The following PLBD1 variants were observed in gnomAD, a reference collection of about 807,000 sequenced individuals.
PLBD1 encodes the protein lysosomal leucine aminopeptidase.
A neutral mutation model predicts 63.0 loss-of-function variants in PLBD1; 60 were observed. That is an observed-to-expected ratio of 0.95 (90% CI 0.77 to 1.18). PLBD1 has a LOEUF of 1.18. PLBD1 is among the 50% of genes most tolerant of loss of function. The pLI is 0.00. For missense variants in PLBD1, 598 were observed against 677.9 expected (o/e 0.88, Z 1.31); for synonymous variants, 262 against 248.0 (o/e 1.06, Z -0.53).
intron 1 of PLBD1, among the ~76,000 whole-genome samples, chr12:14,559,164 G>A (rs577037171): frequency 6.6e-6 from 1 of 152,262 alleles, no homozygotes; most frequent in East Asian, 1.9e-4. Flanking sequence ...TAGTGAAAAG[G>A]TAGAAAAATA....
At chr12:14,516,062 G>T (rs1945334417) in intron 6 of PLBD1, among the ~76,000 whole-genome samples, 2 of 151,144 alleles carry the variant, frequency 1.3e-5, no homozygotes, top group Non-Finnish European at 2.9e-5. Flanking sequence ...CGGGCACGGT[G>T]GCTCACGCCT....
intron 8 of PLBD1, among the ~76,000 whole-genome samples, chr12:14,509,180 C>T (rs1490766769): frequency 6.6e-6 from 1 of 152,016 alleles, no homozygotes; most frequent in African/African-American, 2.4e-5. Context: ...GTCTAGAATG[C>T]AGTAGGTACT....
At chr12:14,523,224 GAAAAA>G (rs1334835085) in intron 6 of PLBD1, among the ~76,000 whole-genome samples, 8 of 151,652 alleles carry the variant, frequency 5.3e-5, no homozygotes, top group African/African-American at 1.9e-4. Flanking sequence ...CAGACAATCA[GAAAAA>G]AATAAGAAGG....
chr12:14,536,932 T>A (rs796889516), intron 4 of PLBD1, among the ~76,000 whole-genome samples: 10 of 151,748 alleles, frequency 6.6e-5, no homozygotes, highest in African/African-American at 2.4e-4. Flanking sequence ...CTACTGAAAA[T>A]ACAAAAATTA....
chr12:14,555,409 C>A (rs773242398), intron 1 of PLBD1, among the ~76,000 whole-genome samples: 1 of 151,992 alleles, frequency 6.6e-6, no homozygotes, highest in African/African-American at 2.4e-5. Context: ...TGGTGGTGTG[C>A]GCCTGTAATC....
At chr12:14,504,237 A>G (rs1041586016) in intron 10 of PLBD1, among the ~76,000 whole-genome samples, 2 of 152,032 alleles carry the variant, frequency 1.3e-5, no homozygotes, top group African/African-American at 2.4e-5. Flanking sequence ...TTTAGTAGAG[A>G]TGGGGTTTTG....
At chr12:14,512,838 C>G (rs1945308713) in intron 6 of PLBD1, among the ~76,000 whole-genome samples, 1 of 152,134 alleles carries the variant, frequency 6.6e-6, no homozygotes, top group South Asian at 2.1e-4. Context: ...CTAGCTAGCC[C>G]CTTCCACTAT....
At chr12:14,508,276 TTCTTCA>T (rs796719789) in intron 8 of PLBD1, among the ~76,000 whole-genome samples, 7 of 152,374 alleles carry the variant, frequency 4.6e-5, no homozygotes, top group East Asian at 1.9e-4. Flanking sequence ...GTGCCTCAGT[TTCTTCA>T]TCTTCATTAA....
intron 1 of PLBD1, among the ~76,000 whole-genome samples, chr12:14,565,239 G>A (rs896689592): frequency 6.6e-6 from 1 of 152,108 alleles, no homozygotes; most frequent in East Asian, 1.9e-4. Flanking sequence ...GCTGAGGCGG[G>A]CAGATCACCT....
At chr12:14,507,385 T>C (rs1014470134) in intron 8 of PLBD1, among the ~76,000 whole-genome samples, 2 of 152,238 alleles carry the variant, frequency 1.3e-5, no homozygotes, top group African/African-American at 4.8e-5. Context: ...CCCAAAATTC[T>C]TAATCTCTAA....
intron 6 of PLBD1, among the ~76,000 whole-genome samples, chr12:14,529,135 C>G (rs1261496658): frequency 6.6e-6 from 1 of 152,018 alleles, no homozygotes; most frequent in Non-Finnish European, 1.5e-5. Flanking sequence ...TTTGAGGCTG[C>G]AGTGAGCTAT....
Position 14,506,971 on chromosome 12 carries a change from G to A in PLBD1, c.1334C>T (p.Thr445Ile). 1 of 1,614,120 alleles carries A rather than the reference G, an allele frequency of 6.2e-7. No homozygotes were observed. Among genetic ancestry groups the A allele is most frequent in the Non-Finnish European group, 8.5e-7 (1 of 1,179,998 alleles). ...KIFRRDQGKVTDTASMKYIMR... is the reference protein window; with the variant it reads ...KIFRRDQGKVIDTASMKYIMR... Reference sequence around the variant, plus strand: ...GATATATTTCATGGATGCCGTATCAGTCACTTTCCCTTGGTCACGCCGGAA... The same window carrying A: ...GATATATTTCATGGATGCCGTATCAATCACTTTCCCTTGGTCACGCCGGAA... Residue 445 changes from threonine to isoleucine, a missense_variant, in exon 9 of 11, where the codon ACT becomes ATT. Physicochemically the swap from Thr to Ile is moderately conservative, Grantham distance 89. Coordinates refer to ENST00000240617, the MANE Select transcript of PLBD1 (RefSeq NM_024829.6).
chr12:14,509,040 ATTTG>A (rs1483366521), intron 8 of PLBD1, among the ~76,000 whole-genome samples: 7 of 146,050 alleles, frequency 4.8e-5, no homozygotes, highest in East Asian at 2.2e-4. Context: ...GATATCATGT[ATTTG>A]TTTGGGCAAA....
intron 6 of PLBD1, among the ~76,000 whole-genome samples, chr12:14,516,202 G>A (rs1056086145): frequency 5.9e-5 from 9 of 152,094 alleles, no homozygotes; most frequent in Non-Finnish European, 8.8e-5. Flanking sequence ...GGTGGCGCGC[G>A]CCTGTAATCC....
intron 1 of PLBD1, among the ~76,000 whole-genome samples, chr12:14,565,182 G>C (rs1592012951): frequency 6.6e-6 from 1 of 152,110 alleles, no homozygotes; most frequent in Non-Finnish European, 1.5e-5. Context: ...TTAACTAAAA[G>C]TGTCCGGGCA....
At chr12:14,529,318 C>A (rs747696108) in intron 6 of PLBD1, among the ~76,000 whole-genome samples, 1 of 151,678 alleles carries the variant, frequency 6.6e-6, no homozygotes, top group African/African-American at 2.4e-5. Context: ...TATCCTAAAA[C>A]AAAAACCATC....
At chr12:14,543,798 A>G (rs2136926133) in intron 2 of PLBD1, among the ~76,000 whole-genome samples, 1 of 152,320 alleles carries the variant, frequency 6.6e-6, no homozygotes, top group Non-Finnish European at 1.5e-5. Flanking sequence ...TTCTTGTATT[A>G]ACGATTGTTC....
chr12:14,512,299 C>A (rs910898947), intron 6 of PLBD1, among the ~76,000 whole-genome samples: 10 of 151,920 alleles, frequency 6.6e-5, no homozygotes, highest in Non-Finnish European at 1.5e-4. Flanking sequence ...CAGGTGTGCA[C>A]CACCACACCT....
rs575913931 is a variant in PLBD1 at position 14,563,079 on chromosome 12, A to G, written c.115+4503T>C. 2.6e-5 allele frequency among the ~76,000 whole-genome samples: 4 copies of G among 152,320 alleles called. No individual in the cohort carries two copies. The East Asian group carries it at 7.7e-4, about 29-fold the overall frequency. ...TTTAAATATTCTTCTAAAGATTTTT[A>G]TCTTTGCTACCAAATTTATGTTTTC... is the stretch of plus-strand genomic sequence containing the variant. On this transcript the variant is annotated intron_variant, in intron 1 of 10. Coordinates refer to ENST00000240617, the MANE Select transcript of PLBD1 (RefSeq NM_024829.6).
Sources: gnomAD v4.1 joint callset for allele counts (sites outside exome capture counted in the v4.1 genomes callset) on GRCh38, gnomAD v4.1.1 for gene constraint, MANE v1.5 for transcripts, NCBI Gene and HGNC (gene_info 2026-07-23, HGNC 2026-07-21) for gene names.